The following MOB3A variants were observed in gnomAD, a reference collection of about 807,000 sequenced individuals.
The protein encoded by MOB3A is MOB kinase activator 3A, also known as MOB LAK.
A neutral mutation model predicts 17.8 loss-of-function variants in MOB3A; 17 were observed. The observed-to-expected ratio is 0.95, with a 90% CI of 0.65 to 1.43. MOB3A has a LOEUF of 1.43. MOB3A is among the 40% of genes most tolerant of loss of function. The pLI, the probability that MOB3A is intolerant of heterozygous loss-of-function variation, is 0.00. For synonymous variants in MOB3A, 124 were observed against 133.2 expected, an observed-to-expected ratio of 0.93 and a Z score of 0.48; for missense variants, 333 against 310.8, an observed-to-expected ratio of 1.07 and a Z score of -0.54.
intron 1 of MOB3A, among the ~76,000 whole-genome samples, chr19:2,092,082 G>GTTTT (rs1219970948): frequency 1.0e-4 from 12 of 118,884 alleles, no homozygotes; most frequent in South Asian, 2.9e-4. Context: ...GGAAGGAAAG[G>GTTTT]TTTTTTTTTT....
chr19:2,086,301 A>C (rs941570939), intron 1 of MOB3A, among the ~76,000 whole-genome samples: 24 of 151,224 alleles, frequency 1.6e-4, no homozygotes, highest in Non-Finnish European at 2.4e-4. Flanking sequence ...CGGCCTCCCA[A>C]AGTGCTGGGA....
chr19:2,084,749 C>T (rs903159159), intron 2 of MOB3A, among the ~76,000 whole-genome samples: 1 of 151,960 alleles, frequency 6.6e-6, no homozygotes, highest in Non-Finnish European at 1.5e-5. Context: ...CGCCACCACA[C>T]CCAGCTAATT....
chr19:2,094,805 G>A (rs965979592), intron 1 of MOB3A, among the ~76,000 whole-genome samples: 1 of 152,256 alleles, frequency 6.6e-6, no homozygotes, highest in African/African-American at 2.4e-5. Context: ...TTTGAATACG[G>A]GCAGTTTATT....
rs2017693626 is a variant in MOB3A, at chr19:2,096,267, A to T, written c.-315T>A. ...CCCGCCTTCGCCCCTCCCGGTACCC[A>T]ACTGGCCGCCTCGGCCGCCTCAGCC... is the stretch of plus-strand genomic sequence containing the variant. On this transcript the variant is annotated 5_prime_UTR_variant, in exon 1 of 5. Transcript: ENST00000357066. The T allele has an allele frequency of 6.4e-6, 1 of 155,614 alleles. No individual in the cohort carries two copies. The allele number at this position is 155,614 out of a possible 1,614,324, so 9.6% of individuals were successfully genotyped here. A position where few individuals can be genotyped will look rare whatever the true frequency, so the allele number is the denominator to read the frequency against.
At chr19:2,080,251 C>T (rs1281399544) in intron 2 of MOB3A, among the ~76,000 whole-genome samples, 1 of 152,094 alleles carries the variant, frequency 6.6e-6, no homozygotes, top group Non-Finnish European at 1.5e-5. Context: ...ATGAAGAGGA[C>T]CCAGCAGAAG....
intron 1 of MOB3A, 93 bp downstream of exon 1, chr19:2,096,133 G>A (rs909474611): frequency 6.5e-6 from 1 of 153,320 alleles, no homozygotes; most frequent in Non-Finnish European, 1.5e-5. Flanking sequence ...CGCCCTTCCT[G>A]AGAACTCGGT....
chr19:2,079,178 G>A (rs532812081), intron 2 of MOB3A, among the ~76,000 whole-genome samples: 7 of 152,378 alleles, frequency 4.6e-5, no homozygotes, highest in Admixed American at 2.0e-4. Context: ...CAGAAGGTGC[G>A]CAGAGCCGGG....
In MOB3A at chr19:2,082,800, G is replaced by T. The variant is rs184332331; in HGVS notation, c.-120+2375C>A. Among the ~76,000 whole-genome samples the T allele has an allele frequency of 3.9e-4, 59 of 152,128 alleles. No individual in the cohort carries two copies. Among genetic ancestry groups the T allele is most frequent in the African/African-American group, 1.3e-3 (54 of 41,496 alleles). The stretch of plus-strand genomic sequence containing the variant: ...GCACAACCCCAGGGTCACCACACAG[G>T]TCCCCCCGCTTGCTTCTCTTCCATT... On this transcript the variant is annotated intron_variant, in intron 2 of 4. Transcript: ENST00000357066. The surrounding 1 kb of genome is among the most constrained non-coding windows in gnomAD (Gnocchi z 4.1).
intron 1 of MOB3A, among the ~76,000 whole-genome samples, chr19:2,088,052 T>TG (rs1171639013): frequency 2.0e-5 from 3 of 152,142 alleles, no homozygotes; most frequent in Admixed American, 6.6e-5. Flanking sequence ...TCAGCTGCAG[T>TG]GGGGGTCTCA....
chr19:2,080,867 C>T (rs1388865814), intron 2 of MOB3A, among the ~76,000 whole-genome samples: 4 of 152,030 alleles, frequency 2.6e-5, no homozygotes, highest in Admixed American at 1.3e-4. Flanking sequence ...GTGGACAGGC[C>T]GGGTGCAGTG....
intron 2 of MOB3A, among the ~76,000 whole-genome samples, chr19:2,081,938 T>A (rs1342710197): frequency 6.6e-6 from 1 of 151,802 alleles, no homozygotes; most frequent in East Asian, 1.9e-4. Flanking sequence ...GACGACAGAG[T>A]CTGCACCATA....
At chr19:2,084,035 G>A in intron 2 of MOB3A, 1 of 412,210 alleles carries the variant, frequency 2.4e-6, no homozygotes, top group Non-Finnish European at 4.9e-6. Context: ...GCTTCCCAAA[G>A]TGCTGGGATT....
intron 4 of MOB3A, among the ~76,000 whole-genome samples, chr19:2,074,203 G>A (rs1056229650): frequency 4.6e-5 from 7 of 151,922 alleles, no homozygotes; most frequent in African/African-American, 1.7e-4. Context: ...CTGAGGGAGG[G>A]GAATCACTTG....
In MOB3A at chr19:2,082,258, G is replaced by C. The variant is rs534824931; in HGVS notation, c.-120+2917C>G. On this transcript the variant is annotated intron_variant, in intron 2 of 4. Coordinates refer to ENST00000357066, the MANE Select transcript of MOB3A (RefSeq NM_130807.3). This position sits in a 1 kb window ranked among gnomAD's most constrained non-coding sequence, Gnocchi z 4.1. ...AACCAGGCCTCTAACCCCTGGCTCT[G>C]TGGACATCGGGGTTGGATCGTTCTC... is the stretch of plus-strand genomic sequence containing the variant. Among the ~76,000 whole-genome samples the C allele has an allele frequency of 1.6e-4, 24 of 152,346 alleles. No individual in the cohort carries two copies. Among genetic ancestry groups the C allele is most frequent in the Non-Finnish European group, 2.9e-4 (20 of 68,040 alleles).
intron 1 of MOB3A, chr19:2,085,761 C>T (rs1168039197): frequency 6.6e-6 from 1 of 152,002 alleles, no homozygotes; most frequent in Non-Finnish European, 1.5e-5. Flanking sequence ...ATCAGGAGAT[C>T]AAGACCATCC....
Position 2,088,470 on chromosome 19 carries a change from A to AT in MOB3A, c.-273-3143dup, listed in dbSNP as rs991116179. Among the ~76,000 whole-genome samples, 5 of 150,284 alleles carry AT rather than the reference A, an allele frequency of 3.3e-5. No individual in the cohort carries two copies. The South Asian group carries it at 6.4e-4, about 19-fold the overall frequency. On this transcript the variant is annotated intron_variant, in intron 1 of 4. Coordinates refer to ENST00000357066, the MANE Select transcript of MOB3A (RefSeq NM_130807.3). ...TGGCGTGCGTCCAGATAATTTTTCT[A>AT]TTTTTTTTCTTTTTTGAGATGGGGT...
Position 2,091,736 on chromosome 19 carries a change from T to C in MOB3A, c.-274+4490A>G, listed in dbSNP as rs533680338. Among the ~76,000 whole-genome samples the C allele has an allele frequency of 6.5e-4, 97 of 148,438 alleles. 2 individuals are homozygous for C. Among genetic ancestry groups the C allele is most frequent in the African/African-American group, 2.3e-3 (92 of 40,760 alleles). On this transcript the variant is annotated intron_variant, in intron 1 of 4. Transcript: ENST00000357066. The stretch of plus-strand genomic sequence containing the variant: ...ATAAAAGCCGGGGTGCGGTGGCTCA[T>C]GCCTGTAATCCCAGCACTTTGGGAG...
chr19:2,078,115 C>G (rs780286754), intron 3 of MOB3A, 25 bp downstream of exon 3: 1 of 1,538,062 alleles, frequency 6.5e-7, no homozygotes, highest in Non-Finnish European at 8.8e-7. Flanking sequence ...TCTGTATCCC[C>G]GAGCCCCTGC....
chr19:2,081,782 G>A (rs2144925608), intron 2 of MOB3A, among the ~76,000 whole-genome samples: 1 of 152,244 alleles, frequency 6.6e-6, no homozygotes, highest in South Asian at 2.1e-4. Context: ...TACTTGGGAG[G>A]CTGAGGCAGG....
Sources: gnomAD v4.1 joint callset for allele counts (sites outside exome capture counted in the v4.1 genomes callset) on GRCh38, gnomAD v4.1.1 for gene constraint, Gnocchi (gnomAD v3.1) non-coding constraint, MANE v1.5 for transcripts, NCBI Gene and HGNC (gene_info 2026-07-23, HGNC 2026-07-21) for gene names.